The following ANTXR1 variants were observed in gnomAD, a reference collection of about 807,000 sequenced individuals.
ANTXR1 encodes anthrax toxin receptor 1.
ANTXR1 carries 19 observed loss-of-function variants against 78.1 expected under a neutral mutation model. That is an observed-to-expected ratio of 0.24 (90% CI 0.17 to 0.36). The LOEUF (loss-of-function observed/expected upper bound fraction) is 0.36. ANTXR1 is among the 10% of genes least tolerant of loss of function. The pLI is 1.00. For synonymous variants in ANTXR1, 273 were observed against 260.5 expected, an observed-to-expected ratio of 1.05 and a Z score of -0.46; for missense variants, 518 against 718.6, an observed-to-expected ratio of 0.72 and a Z score of 3.19.
chr2:69,079,999 A>T lies in ANTXR1; in HGVS notation c.642+2511A>T, dbSNP rs536073877. Among the ~76,000 whole-genome samples, 9 of 152,370 alleles carry T rather than the reference A, an allele frequency of 5.9e-5. No homozygotes were observed. In the South Asian group the frequency reaches 1.9e-3, roughly 32 times the overall value. Reference sequence around the variant, plus strand: ...TCCCCAAATGGAAATAACTGCAAAGATCTTTAAGAAATTTTAGCGAAACTA... The same window carrying T: ...TCCCCAAATGGAAATAACTGCAAAGTTCTTTAAGAAATTTTAGCGAAACTA... On this transcript the variant is annotated intron_variant, in intron 8 of 17. Transcript: ENST00000303714.
rs903899171 is a variant in ANTXR1, at chr2:69,237,901, C to T, written c.1435-7324C>T. On this transcript the variant is annotated intron_variant, in intron 17 of 17. Transcript: ENST00000303714. ...ACGTGTATGAATTTTACATGGAAAG[C>T]CAAAATATCAAAGTGAAAGGGAAAG... is the stretch of plus-strand genomic sequence containing the variant. Among the ~76,000 whole-genome samples the T allele has an allele frequency of 4.6e-5, 7 of 151,902 alleles. No individual in the cohort carries two copies. The South Asian group carries it at 1.3e-3, about 27-fold the overall frequency.
At chr2:69,036,947 C>G (rs1669452023) in intron 1 of ANTXR1, among the ~76,000 whole-genome samples, 1 of 152,306 alleles carries the variant, frequency 6.6e-6, no homozygotes, top group South Asian at 2.1e-4. Context: ...AGGAGGATGG[C>G]CAGGTCTTTA....
intron 16 of ANTXR1, among the ~76,000 whole-genome samples, chr2:69,190,363 A>T (rs1421081720): frequency 6.6e-6 from 1 of 152,150 alleles, no homozygotes; most frequent in Non-Finnish European, 1.5e-5. Flanking sequence ...AGTCTTGGAG[A>T]AGCACAGAAT....
At chr2:69,219,894 A>G (rs1675279717) in intron 17 of ANTXR1, among the ~76,000 whole-genome samples, 1 of 151,772 alleles carries the variant, frequency 6.6e-6, no homozygotes, top group Non-Finnish European at 1.5e-5. Flanking sequence ...GCCCTCCCAT[A>G]AGCATCTCCA....
chr2:69,015,093 C>T (rs1670983339), intron 1 of ANTXR1, among the ~76,000 whole-genome samples: 1 of 149,470 alleles, frequency 6.7e-6, no homozygotes, highest in East Asian at 2.0e-4. Context: ...AAAAGGGGGA[C>T]AGAATCACCA....
intron 1 of ANTXR1, among the ~76,000 whole-genome samples, chr2:69,032,650 C>A (rs1009085667): frequency 6.6e-6 from 1 of 152,168 alleles, no homozygotes; most frequent in Non-Finnish European, 1.5e-5. Context: ...GGGTTACTAA[C>A]CCATTGTCTG....
intron 16 of ANTXR1, among the ~76,000 whole-genome samples, chr2:69,190,098 G>A (rs931579753): frequency 9.9e-5 from 15 of 152,150 alleles, no homozygotes; most frequent in African/African-American, 1.7e-4. Flanking sequence ...GTAGGCAGAG[G>A]GGGAGGAGCA....
intron 10 of ANTXR1, among the ~76,000 whole-genome samples, chr2:69,111,192 C>T (rs1007117430): frequency 6.6e-6 from 1 of 152,144 alleles, no homozygotes; most frequent in African/African-American, 2.4e-5. Flanking sequence ...CTCTGCTGGC[C>T]AAGAAAATAT....
At chr2:69,129,579 C>G (rs1421526614) in intron 12 of ANTXR1, among the ~76,000 whole-genome samples, 1 of 152,090 alleles carries the variant, frequency 6.6e-6, no homozygotes, top group African/African-American at 2.4e-5. Context: ...TGGTGAAACC[C>G]TGTCTCTACT....
chr2:69,037,960 G>A (rs1183198638), intron 1 of ANTXR1, among the ~76,000 whole-genome samples: 1 of 152,052 alleles, frequency 6.6e-6, no homozygotes, highest in African/African-American at 2.4e-5. Context: ...AGGCTGCATG[G>A]TGCTGCACCA....
chr2:69,049,461 C>T (rs1051500365), intron 3 of ANTXR1, among the ~76,000 whole-genome samples: 2 of 152,110 alleles, frequency 1.3e-5, no homozygotes, highest in Non-Finnish European at 2.9e-5. Flanking sequence ...CAGGTGCACA[C>T]CGCCATGCCA....
chr2:69,109,593 AG>A (rs1671916733), intron 10 of ANTXR1, among the ~76,000 whole-genome samples: 1 of 152,224 alleles, frequency 6.6e-6, no homozygotes, highest in African/African-American at 2.4e-5. Context: ...TCAAATCTGT[AG>A]GGAAAGAGTG....
At chr2:69,027,621 AGTGTGTGTGTGTGTGTGTATGT>A (rs1418701189) in intron 1 of ANTXR1, among the ~76,000 whole-genome samples, 1 of 146,858 alleles carries the variant, frequency 6.8e-6, no homozygotes, top group African/African-American at 2.6e-5. Flanking sequence ...AGATGATGCA[AGTGTGTGTGTGTGTGTGTATGT>A]GTGTGTGTGT....
intron 17 of ANTXR1, among the ~76,000 whole-genome samples, chr2:69,216,112 C>CA (rs1675167281): frequency 6.6e-6 from 1 of 152,172 alleles, no homozygotes; most frequent in Non-Finnish European, 1.5e-5. Context: ...AAGTGGCAGA[C>CA]AAAACCAGTA....
At chr2:69,154,842 A>T (rs543864980) in intron 13 of ANTXR1, among the ~76,000 whole-genome samples, 1 of 152,318 alleles carries the variant, frequency 6.6e-6, no homozygotes, top group East Asian at 1.9e-4. Context: ...ACCCCCGCTG[A>T]GCCACACATT....
chr2:69,109,992 T>C (rs977534134), intron 10 of ANTXR1, among the ~76,000 whole-genome samples: 2 of 151,992 alleles, frequency 1.3e-5, no homozygotes, highest in Non-Finnish European at 2.9e-5. Flanking sequence ...AATATATCAG[T>C]GAGTAAAAGA....
At chr2:69,115,734 T>C (rs1373067869) in intron 10 of ANTXR1, among the ~76,000 whole-genome samples, 1 of 152,216 alleles carries the variant, frequency 6.6e-6, no homozygotes, top group East Asian at 1.9e-4. Flanking sequence ...TTACCTGGAA[T>C]GTGTTGGCCA....
At chr2:69,222,483 T>C (rs529773194) in intron 17 of ANTXR1, among the ~76,000 whole-genome samples, 1 of 152,362 alleles carries the variant, frequency 6.6e-6, no homozygotes, top group African/African-American at 2.4e-5. Context: ...AAGTTGTAGT[T>C]AGTCATTCTC....
At chr2:69,128,227 G>GA (rs199694251) in intron 12 of ANTXR1, among the ~76,000 whole-genome samples, 259 of 138,974 alleles carry the variant, frequency 1.9e-3, no homozygotes, top group East Asian at 1.8e-3. Flanking sequence ...TCCATCTCTG[G>GA]AAAAAAAAAA....
Sources: gnomAD v4.1 joint callset for allele counts (sites outside exome capture counted in the v4.1 genomes callset) on GRCh38, gnomAD v4.1.1 for gene constraint, MANE v1.5 for transcripts, NCBI Gene and HGNC (gene_info 2026-07-23, HGNC 2026-07-21) for gene names.